The following LYPD6B variants were observed in gnomAD, a reference collection of about 807,000 sequenced individuals.
The protein encoded by LYPD6B is LY6/PLAUR domain containing 6B.
In LYPD6B, 17 loss-of-function variants were observed where a neutral mutation model predicts 22.8. The ratio of observed to expected loss-of-function variants is 0.75; its 90% CI spans 0.51 to 1.12. LYPD6B has a LOEUF of 1.12. LYPD6B is among the 50% of genes most tolerant of loss of function. The pLI is 0.00. For synonymous variants in LYPD6B, 106 were observed against 91.6 expected (o/e 1.16, Z -0.90); for missense variants, 221 against 258.3 (o/e 0.86, Z 0.99).
chr2:149,169,558 A>G (rs780496176), intron 3 of LYPD6B, among the ~76,000 whole-genome samples: 6 of 152,170 alleles, frequency 3.9e-5, no homozygotes, highest in African/African-American at 7.2e-5. Flanking sequence ...TAAAATAACC[A>G]AGGGAGTGAC....
chr2:149,040,007 G>A (rs889152070), intron 1 of LYPD6B, among the ~76,000 whole-genome samples: 1 of 152,132 alleles, frequency 6.6e-6, no homozygotes, highest in Non-Finnish European at 1.5e-5. Context: ...AGTTCCAGAG[G>A]CTCATACAAG....
rs937646989 is a variant in LYPD6B at position 149,185,957 on chromosome 2, G to A, written c.78-19296G>A. On this transcript the variant is annotated intron_variant, in intron 3 of 6. Coordinates refer to ENST00000409642, the MANE Select transcript of LYPD6B (RefSeq NM_177964.5). ...CATCAATGCTGTGGATGTTCTGACC[G>A]TACCAGTGATTGATCATTCCCTCAT... Among the ~76,000 whole-genome samples the A allele has an allele frequency of 6.6e-5, 10 of 152,208 alleles. No homozygotes were observed. In the East Asian group the frequency reaches 1.2e-3, roughly 18 times the overall value.
At chr2:149,049,175 A>C (rs962557749) in intron 1 of LYPD6B, among the ~76,000 whole-genome samples, 8 of 152,236 alleles carry the variant, frequency 5.3e-5, no homozygotes, top group African/African-American at 1.9e-4. Context: ...CCTGTGATCT[A>C]AACTGATAGT....
rs548661390 is a variant in LYPD6B, at chr2:149,214,186, G to A, written c.460-360G>A. Reference sequence around the variant, plus strand: ...GAGAAAGAAAATCAATGACTAATCCGAAAGGTTCCTAGCTTTCATTTTTGT... The same window carrying A: ...GAGAAAGAAAATCAATGACTAATCCAAAAGGTTCCTAGCTTTCATTTTTGT... On this transcript the variant is annotated intron_variant, in intron 6 of 6. Coordinates refer to ENST00000409642, the MANE Select transcript of LYPD6B (RefSeq NM_177964.5). Among the ~76,000 whole-genome samples the A allele has an allele frequency of 2.3e-3, 344 of 152,250 alleles. 3 individuals carry two copies. Among genetic ancestry groups the A allele is most frequent in the African/African-American group, 7.7e-3 (320 of 41,558 alleles).
chr2:149,120,816 G>A (rs1168553337), intron 1 of LYPD6B, among the ~76,000 whole-genome samples: 2 of 104,008 alleles, frequency 1.9e-5, no homozygotes, highest in African/African-American at 8.3e-5. Flanking sequence ...GTGAGACAGC[G>A]TCTTGCTCTG....
intron 2 of LYPD6B, among the ~76,000 whole-genome samples, chr2:149,145,871 G>A (rs1022222178): frequency 6.6e-6 from 1 of 152,156 alleles, no homozygotes; most frequent in African/African-American, 2.4e-5. Context: ...CACAAGGTTT[G>A]TTCCTCCTAG....
At chr2:149,127,105 TTTTG>T (rs1382743936) in intron 1 of LYPD6B, among the ~76,000 whole-genome samples, 2 of 151,686 alleles carry the variant, frequency 1.3e-5, no homozygotes, top group African/African-American at 4.8e-5. Context: ...TAAAGTCTCT[TTTTG>T]TTTGTTCATT....
At chr2:149,041,022 ACT>A (rs1194830579) in intron 1 of LYPD6B, among the ~76,000 whole-genome samples, 1 of 150,880 alleles carries the variant, frequency 6.6e-6, no homozygotes, top group Admixed American at 6.6e-5. Flanking sequence ...CGTAGTGAAG[ACT>A]CCCCAAAGAA....
intron 3 of LYPD6B, among the ~76,000 whole-genome samples, chr2:149,171,562 T>G (rs1343383944): frequency 6.6e-6 from 1 of 151,868 alleles, no homozygotes; most frequent in Non-Finnish European, 1.5e-5. Context: ...CCCAGCCTAT[T>G]TTCTTGTTGT....
chr2:149,051,238 T>C (rs754036407), intron 1 of LYPD6B, among the ~76,000 whole-genome samples: 11 of 152,028 alleles, frequency 7.2e-5, no homozygotes, highest in Non-Finnish European at 1.2e-4. Context: ...CGAACTTGGC[T>C]CACTGTAAGC....
At chr2:149,081,602 A>G (rs1685137858) in intron 1 of LYPD6B, among the ~76,000 whole-genome samples, 2 of 152,108 alleles carry the variant, frequency 1.3e-5, no homozygotes, top group African/African-American at 4.8e-5. Flanking sequence ...CTGTGTATAG[A>G]TAGAGGCATA....
Position 149,124,358 on chromosome 2 carries a change from T to C in LYPD6B, c.-66-6525T>C, listed in dbSNP as rs187368812. 7.9e-5 allele frequency among the ~76,000 whole-genome samples: 12 copies of C among 152,320 alleles called. No individual in the cohort carries two copies. The East Asian group carries it at 2.3e-3, about 29-fold the overall frequency. On this transcript the variant is annotated intron_variant, in intron 1 of 6. Coordinates refer to ENST00000409642, the MANE Select transcript of LYPD6B (RefSeq NM_177964.5). ...CTTTGCATATAGCAGATAATTGTTA[T>C]CAATGCTCAGGGCAATTATGTGCAT...
intron 1 of LYPD6B, among the ~76,000 whole-genome samples, chr2:149,057,210 TTTA>T (rs1683845078): frequency 3.3e-5 from 5 of 152,102 alleles, no homozygotes; most frequent in South Asian, 4.2e-4. Flanking sequence ...TTATATATTA[TTTA>T]TTATTAGGAT....
intron 2 of LYPD6B, among the ~76,000 whole-genome samples, chr2:149,154,653 T>G (rs931331546): frequency 6.6e-6 from 1 of 151,768 alleles, no homozygotes; most frequent in African/African-American, 2.4e-5. Context: ...GTTGCTGATG[T>G]TGGCAACATT....
At chr2:149,144,019 A>G (rs1333362613) in intron 2 of LYPD6B, 1 of 152,234 alleles carries the variant, frequency 6.6e-6, no homozygotes, top group African/African-American at 2.4e-5. Flanking sequence ...ATGATAAGGG[A>G]GGTCTTTGTG....
intron 3 of LYPD6B, among the ~76,000 whole-genome samples, chr2:149,176,621 A>G (rs1212984824): frequency 6.6e-6 from 1 of 152,122 alleles, no homozygotes; most frequent in Non-Finnish European, 1.5e-5. Context: ...TGGTCATGTT[A>G]TCTACTGACT....
intron 1 of LYPD6B, among the ~76,000 whole-genome samples, chr2:149,049,680 C>T (rs536216395): frequency 9.9e-5 from 15 of 152,260 alleles, no homozygotes; most frequent in African/African-American, 2.4e-4. Context: ...GATTTCAGAG[C>T]TTATGGCTTG....
In LYPD6B at chr2:149,187,369, C is replaced by T. The variant is rs1692181846; in HGVS notation, c.78-17884C>T. On this transcript the variant is annotated intron_variant, in intron 3 of 6. Transcript: ENST00000409642. ...GCCCAAATGGCTATCATTTCTGAGC[C>T]TGCTCTGCCATGGTCCCATGACTTG... is the stretch of plus-strand genomic sequence containing the variant. 2.1e-5 allele frequency: 30 copies of T among 1,417,952 alleles called. No homozygotes were observed. The South Asian group carries it at 2.2e-4, about 10-fold the overall frequency. The allele number at this position is 1,417,952 out of a possible 1,614,324, so 87.8% of individuals were successfully genotyped here.
At chr2:149,212,113 C>T (rs1439725160) in intron 5 of LYPD6B, among the ~76,000 whole-genome samples, 1 of 151,592 alleles carries the variant, frequency 6.6e-6, no homozygotes, top group Non-Finnish European at 1.5e-5. Context: ...CGCGGTGGCT[C>T]ACGCCTGTAA....
Sources: allele counts gnomAD v4.1 joint callset (sites outside exome capture counted in the v4.1 genomes callset), GRCh38; gene constraint gnomAD v4.1.1; transcripts MANE v1.5; gene names NCBI Gene and HGNC (gene_info 2026-07-23, HGNC 2026-07-21).